Variants in ZCCHC4 observed in about 807,000 individuals in gnomAD.
ZCCHC4 encodes zinc finger CCHC-type containing 4.
ZCCHC4 carries 54 observed loss-of-function variants against 67.7 expected under a neutral mutation model. The ratio of observed to expected loss-of-function variants is 0.80; its 90% CI spans 0.64 to 1.00. The LOEUF is 1.00. Among genes scored for constraint, ZCCHC4 ranks in the 50% least tolerant of loss-of-function variants. The probability of loss-of-function intolerance (pLI) is 0.00; values close to 1 mark genes in which losing one functional copy is unlikely to be tolerated. For synonymous variants in ZCCHC4, 198 were observed against 213.5 expected (o/e 0.93, Z 0.63); for missense variants, 609 against 617.0 (o/e 0.99, Z 0.14).
At chr4:25,352,531 C>T in intron 8 of ZCCHC4, 3 of 398,072 alleles carry the variant, frequency 7.5e-6, no homozygotes, top group Non-Finnish European at 1.0e-5. Context: ...GCCTTAGCCT[C>T]CTGAGTAGCT....
At chr4:25,330,394 C>G (rs996051237) in intron 3 of ZCCHC4, among the ~76,000 whole-genome samples, 2 of 152,056 alleles carry the variant, frequency 1.3e-5, no homozygotes, top group Admixed American at 6.6e-5. Context: ...TTGTTATATA[C>G]TGGATATTTT....
chr4:25,322,390 A>G (rs561161047), intron 3 of ZCCHC4, among the ~76,000 whole-genome samples: 10 of 152,288 alleles, frequency 6.6e-5, no homozygotes, highest in African/African-American at 2.2e-4. Context: ...TTCTGTCTCT[A>G]TGGATTTGCC....
chr4:25,336,209 C>T (rs996042418), intron 5 of ZCCHC4, among the ~76,000 whole-genome samples: 3 of 152,184 alleles, frequency 2.0e-5, no homozygotes, highest in African/African-American at 7.2e-5. Context: ...GCCTGTTCTG[C>T]ACATTTTATA....
intron 6 of ZCCHC4, 45 bp from the exon 7 acceptor site, chr4:25,349,447 C>T: frequency 6.3e-7 from 1 of 1,582,556 alleles, no homozygotes; most frequent in East Asian, 2.2e-5. Context: ...GGATGAAGTG[C>T]CTCTCTCTAG....
chr4:25,349,774 A>G (rs931651011), intron 7 of ZCCHC4, 132 bp downstream of exon 7: 4 of 926,640 alleles, frequency 4.3e-6, no homozygotes, highest in Non-Finnish European at 6.4e-6. Context: ...AAACAGGCTT[A>G]TTTGATGTTG....
intron 3 of ZCCHC4, among the ~76,000 whole-genome samples, chr4:25,330,759 G>T (rs982308713): frequency 9.9e-5 from 15 of 152,172 alleles, no homozygotes; most frequent in African/African-American, 3.6e-4. Context: ...CTTGTGTATT[G>T]TGAGGCATTT....
At chr4:25,350,744 T>C (rs1163488295) in intron 7 of ZCCHC4, among the ~76,000 whole-genome samples, 2 of 152,204 alleles carry the variant, frequency 1.3e-5, no homozygotes, top group Non-Finnish European at 2.9e-5. Flanking sequence ...GTTAAGTATT[T>C]CACTTATTTG....
In ZCCHC4 at chr4:25,349,353, G is replaced by C. The variant is rs1016908862; in HGVS notation, c.760-139G>C. ...CAAAGAGAGGCTTCAGAATGTCACT[G>C]AGGAATGCTGCGGTGGCAAGATGAC... is the stretch of plus-strand genomic sequence containing the variant. On this transcript the variant is annotated intron_variant, in intron 6 of 12. Transcript: ENST00000302874. 1.4e-5 allele frequency: 10 copies of C among 716,932 alleles called. No individual in the cohort carries two copies. In the South Asian group the frequency reaches 2.3e-4, roughly 17 times the overall value. 44.4% of individuals were successfully genotyped at this position (716,932 alleles called of 1,614,324 possible). A position where few individuals can be genotyped will look rare whatever the true frequency, so the allele number is the denominator to read the frequency against.
At chr4:25,321,202 C>T (rs1165723124) in intron 3 of ZCCHC4, among the ~76,000 whole-genome samples, 1 of 152,030 alleles carries the variant, frequency 6.6e-6, no homozygotes, top group Admixed American at 6.6e-5. Flanking sequence ...CTCTTTCACT[C>T]TTGCTGCCGC....
In ZCCHC4 at chr4:25,359,612, A is replaced by G. The variant is rs541296519; in HGVS notation, c.1012-2247A>G. On this transcript the variant is annotated intron_variant, in intron 8 of 12. Transcript: ENST00000302874. This position sits in a 1 kb window ranked among gnomAD's most constrained non-coding sequence, Gnocchi z 4.9. ...CCCAATGGGAGAAAAGGGGGTCCCAATGAGTGACATGCTCACAGATGTGGA... is the reference window on the plus strand; with the variant it reads ...CCCAATGGGAGAAAAGGGGGTCCCAGTGAGTGACATGCTCACAGATGTGGA... Among the ~76,000 whole-genome samples, 8 of 152,344 alleles carry G rather than the reference A, an allele frequency of 5.3e-5. No individual in the cohort carries two copies. Among genetic ancestry groups the G allele is most frequent in the South Asian group, 2.1e-4 (1 of 4,818 alleles).
chr4:25,331,478 A>C (rs1205952203), intron 3 of ZCCHC4, among the ~76,000 whole-genome samples: 1 of 151,850 alleles, frequency 6.6e-6, no homozygotes, highest in East Asian at 1.9e-4. Flanking sequence ...CTAATTTTTA[A>C]AATTTTTTGT....
chr4:25,313,700 A>G (rs1272841163), intron 1 of ZCCHC4, among the ~76,000 whole-genome samples: 2 of 151,406 alleles, frequency 1.3e-5, no homozygotes, highest in Non-Finnish European at 2.9e-5. Context: ...AAATGATGAC[A>G]CTCCGTCTAC....
intron 3 of ZCCHC4, among the ~76,000 whole-genome samples, chr4:25,327,005 TC>T: frequency 6.6e-6 from 1 of 152,362 alleles, no homozygotes; most frequent in Middle Eastern, 3.4e-3. Context: ...ATTGCTAGAC[TC>T]TAACAATACA....
chr4:25,333,041 C>T, intron 3 of ZCCHC4, 142 bp from the exon 4 acceptor site: 2 of 791,966 alleles, frequency 2.5e-6, no homozygotes. Flanking sequence ...CAACATTCCA[C>T]AGATTTCTTC....
At chr4:25,338,238 C>T (rs545197322) in intron 5 of ZCCHC4, among the ~76,000 whole-genome samples, 12 of 152,114 alleles carry the variant, frequency 7.9e-5, no homozygotes, top group Admixed American at 4.6e-4. Flanking sequence ...GGACCACAGG[C>T]GTGTGCCACC....
chr4:25,364,569 A>G (rs1198339728), intron 11 of ZCCHC4, 64 bp downstream of exon 11: 4 of 1,357,630 alleles, frequency 2.9e-6, no homozygotes, highest in Non-Finnish European at 4.1e-6. Flanking sequence ...CTCCATCTAA[A>G]TAGATTTTTC....
intron 3 of ZCCHC4, among the ~76,000 whole-genome samples, chr4:25,331,911 T>C (rs980622472): frequency 6.6e-6 from 1 of 152,246 alleles, no homozygotes; most frequent in African/African-American, 2.4e-5. Context: ...TTGGGTGCTT[T>C]GAAGTGAAAC....
chr4:25,333,300 GT>G lies in ZCCHC4; in HGVS notation c.448del (p.Ser150ProfsTer5). 1 of 1,614,050 alleles carries G rather than the reference GT, an allele frequency of 6.2e-7. No homozygotes were observed. The highest frequency in any genetic ancestry group is 8.5e-7 in the Non-Finnish European group (1 of 1,179,962). On this transcript the variant is annotated frameshift_variant, in exon 4 of 13. Coordinates refer to ENST00000302874, the MANE Select transcript of ZCCHC4 (RefSeq NM_024936.3). LOFTEE classifies it high-confidence loss of function. ...GTGAGCATCAGGTTCTGGGTAATGT[GT>G]CCATTACCCAGTTAAGAAGGCCCAG... ...HSEHQVLGNV[S>X]ITQLRRPSQL...
chr4:25,352,462 G>A (rs974454720), intron 8 of ZCCHC4: 3 of 934,370 alleles, frequency 3.2e-6, no homozygotes, highest in Non-Finnish European at 3.8e-6. Flanking sequence ...AGTCTGGAGT[G>A]CAGTGGTACA....
Sources: gnomAD v4.1 joint callset for allele counts (sites outside exome capture counted in the v4.1 genomes callset) on GRCh38, gnomAD v4.1.1 for gene constraint, Gnocchi (gnomAD v3.1) non-coding constraint, MANE v1.5 for transcripts, NCBI Gene and HGNC (gene_info 2026-07-23, HGNC 2026-07-21) for gene names.